ATRNL1: variants seen among roughly 807,000 people sequenced by gnomAD.
ATRNL1 encodes the protein attractin like 1, also known as attractin-like protein 1.
Under a neutral mutation model 182.7 loss-of-function variants are expected in ATRNL1, and 95 were observed. The observed-to-expected ratio is 0.52, with a 90% CI of 0.44 to 0.62. ATRNL1 has a LOEUF of 0.62. Ranked by LOEUF, ATRNL1 falls within the 20% of genes least tolerant of loss-of-function variation. The probability of loss-of-function intolerance (pLI) is 0.00; values close to 1 mark genes in which losing one functional copy is unlikely to be tolerated. For synonymous variants in ATRNL1, 576 were observed against 568.3 expected (o/e 1.01, Z -0.19); for missense variants, 1,471 against 1,679.5 (o/e 0.88, Z 2.17).
chr10:115,284,072 T>C (rs1275194875), intron 14 of ATRNL1, among the ~76,000 whole-genome samples: 1 of 152,200 alleles, frequency 6.6e-6, no homozygotes, highest in African/African-American at 2.4e-5. Context: ...ATTGGTGTAT[T>C]GCATTTTTTT....
chr10:115,481,344 A>G (rs1420384240), intron 24 of ATRNL1, among the ~76,000 whole-genome samples: 1 of 150,762 alleles, frequency 6.6e-6, no homozygotes, highest in African/African-American at 2.4e-5. Context: ...TTCATCTTCT[A>G]TTTTAGAAAA....
chr10:115,662,295 A>C (rs1273207373), intron 26 of ATRNL1, among the ~76,000 whole-genome samples: 1 of 152,240 alleles, frequency 6.6e-6, no homozygotes, highest in East Asian at 1.9e-4. Context: ...GGTGATCATT[A>C]AAAAGTCAGG....
intron 27 of ATRNL1, among the ~76,000 whole-genome samples, chr10:115,798,044 A>T (rs1949698970): frequency 6.6e-6 from 1 of 152,032 alleles, no homozygotes; most frequent in South Asian, 2.1e-4. Context: ...CAGCCTCCTG[A>T]GTAGCTGGGT....
chr10:115,821,251 T>G (rs552696197), intron 27 of ATRNL1, among the ~76,000 whole-genome samples: 1 of 152,188 alleles, frequency 6.6e-6, no homozygotes, highest in Non-Finnish European at 1.5e-5. Flanking sequence ...TAAATATATG[T>G]TATTCAATCT....
intron 5 of ATRNL1, among the ~76,000 whole-genome samples, chr10:115,157,436 A>G (rs1248553568): frequency 3.9e-5 from 6 of 152,146 alleles, no homozygotes; most frequent in Admixed American, 2.0e-4. Context: ...AAATCTTTGA[A>G]TTATATTTAT....
At chr10:115,785,436 C>G (rs1555080184) in intron 27 of ATRNL1, among the ~76,000 whole-genome samples, 1 of 152,226 alleles carries the variant, frequency 6.6e-6, no homozygotes. Context: ...TCATCTGTGT[C>G]CCTTTCAGTC....
At chr10:115,786,891 C>G (rs1057007621) in intron 27 of ATRNL1, among the ~76,000 whole-genome samples, 2 of 152,070 alleles carry the variant, frequency 1.3e-5, no homozygotes, top group African/African-American at 2.4e-5. Context: ...GTGGCAACAC[C>G]TAGAGAAATC....
At chr10:115,685,342 T>G (rs1245800272) in intron 26 of ATRNL1, among the ~76,000 whole-genome samples, 2 of 151,822 alleles carry the variant, frequency 1.3e-5, no homozygotes, top group Non-Finnish European at 3.0e-5. Flanking sequence ...GGACAAGTTA[T>G]TTAGCCTCTT....
rs185189531 is a variant in ATRNL1, at chr10:115,413,382, A to T, written c.3270-12868A>T. Among the ~76,000 whole-genome samples, 58 of 152,228 alleles carry T rather than the reference A, an allele frequency of 3.8e-4. No homozygotes were observed. The East Asian group carries it at 0.011, about 28-fold the overall frequency. On this transcript the variant is annotated intron_variant, in intron 20 of 28. Transcript: ENST00000355044. ...ATAGGACGTGACATTAATGAAAATA[A>T]AAATTTGTTTATTCTTGCCTAATCT...
intron 27 of ATRNL1, among the ~76,000 whole-genome samples, chr10:115,750,925 T>C (rs1948430314): frequency 6.6e-6 from 1 of 152,002 alleles, no homozygotes; most frequent in Non-Finnish European, 1.5e-5. Context: ...ATCAGTAAGG[T>C]TGGCAAAAAC....
chr10:115,178,045 A>G (rs1179030609), intron 8 of ATRNL1, among the ~76,000 whole-genome samples: 2 of 150,358 alleles, frequency 1.3e-5, no homozygotes, highest in Non-Finnish European at 3.0e-5. Flanking sequence ...CAGCCTCCCA[A>G]GTGGTTGGGA....
chr10:115,344,860 C>T (rs1397045509), intron 19 of ATRNL1, among the ~76,000 whole-genome samples: 4 of 152,160 alleles, frequency 2.6e-5, no homozygotes, highest in Non-Finnish European at 4.4e-5. Flanking sequence ...TGAATGCTTC[C>T]AGGACTGGGT....
At chr10:115,254,106 GTGT>G (rs1851008524) in intron 10 of ATRNL1, among the ~76,000 whole-genome samples, 2 of 152,198 alleles carry the variant, frequency 1.3e-5, no homozygotes, top group African/African-American at 2.4e-5. Context: ...ATGTGTGCAT[GTGT>G]CTTTATAGTA....
chr10:115,340,376 T>C (rs1246707659), intron 19 of ATRNL1, among the ~76,000 whole-genome samples: 1 of 151,770 alleles, frequency 6.6e-6, no homozygotes, highest in Admixed American at 6.6e-5. Flanking sequence ...CTCCTGACCT[T>C]GGCATCTGAC....
chr10:115,771,540 C>T (rs531323445), intron 27 of ATRNL1, among the ~76,000 whole-genome samples: 1 of 152,284 alleles, frequency 6.6e-6, no homozygotes, highest in Non-Finnish European at 1.5e-5. Context: ...AGAATTCTTA[C>T]TTCTTATCTG....
intron 25 of ATRNL1, among the ~76,000 whole-genome samples, chr10:115,527,882 CCCTCCTTCCCTCCCTT>C (rs1851312051): frequency 1.1e-5 from 1 of 94,918 alleles, no homozygotes; most frequent in African/African-American, 3.7e-5. Flanking sequence ...TTCCCTCCCT[CCCTCCTTCCCTCCCTT>C]CCTTCCTTCC....
At chr10:115,507,824 A>G (rs556716411) in intron 24 of ATRNL1, among the ~76,000 whole-genome samples, 32 of 152,136 alleles carry the variant, frequency 2.1e-4, no homozygotes, top group African/African-American at 6.7e-4. Flanking sequence ...CTGGTAGGCA[A>G]TGATTCTAGA....
chr10:115,697,657 G>A (rs1946606824), intron 26 of ATRNL1, among the ~76,000 whole-genome samples: 1 of 151,906 alleles, frequency 6.6e-6, no homozygotes, highest in Admixed American at 6.6e-5. Flanking sequence ...ATTTCTGTGT[G>A]TTACATATAT....
intron 28 of ATRNL1, among the ~76,000 whole-genome samples, chr10:115,919,368 C>T (rs1431440768): frequency 6.6e-6 from 1 of 152,158 alleles, no homozygotes; most frequent in Non-Finnish European, 1.5e-5. Flanking sequence ...GGAAGTGCAG[C>T]AGAATGGAGA....
Sources: allele counts gnomAD v4.1 joint callset (sites outside exome capture counted in the v4.1 genomes callset), GRCh38; gene constraint gnomAD v4.1.1; transcripts MANE v1.5; gene names NCBI Gene and HGNC (gene_info 2026-07-23, HGNC 2026-07-21).